The following DLG1 variants were observed in gnomAD, a reference collection of about 807,000 sequenced individuals.
DLG1 encodes the protein disks large homolog 1.
DLG1 carries 42 observed loss-of-function variants against 123.4 expected under a neutral mutation model. The ratio of observed to expected loss-of-function variants is 0.34; its 90% confidence interval spans 0.27 to 0.44. The LOEUF is 0.44. Ranked by LOEUF, DLG1 falls within the 20% of genes least tolerant of loss-of-function variation. DLG1 has a pLI of 1.00. For synonymous variants in DLG1, 317 were observed against 356.2 expected (o/e 0.89, Z 1.24); for missense variants, 942 against 1,082.6 (o/e 0.87, Z 1.82).
At chr3:197,266,857 G>A (rs1372744501) in intron 4 of DLG1, among the ~76,000 whole-genome samples, 1 of 152,154 alleles carries the variant, frequency 6.6e-6, no homozygotes, top group Admixed American at 6.5e-5. Flanking sequence ...ACAAGTACTG[G>A]AATCCCTGAA....
At chr3:197,173,233 G>C (rs1045130525) in intron 5 of DLG1, among the ~76,000 whole-genome samples, 53 of 152,160 alleles carry the variant, frequency 3.5e-4, no homozygotes, top group African/African-American at 9.4e-4. Flanking sequence ...TTAAAGGTCA[G>C]AATATTTTGT....
intron 14 of DLG1, 109 bp downstream of exon 14, chr3:197,104,794 G>T: frequency 1.3e-6 from 1 of 747,782 alleles, no homozygotes. Flanking sequence ...CAGAAAAAAA[G>T]CACAAAAAAG....
rs894776267 is a variant in DLG1 at position 197,046,331 on chromosome 3, A to G, written c.2576-1602T>C. Among the ~76,000 whole-genome samples the G allele has an allele frequency of 2.6e-5, 4 of 152,174 alleles. No homozygotes were observed. The Middle Eastern group carries it at 0.01, about 391-fold the overall frequency. On this transcript the variant is annotated intron_variant, in intron 24 of 24. Coordinates refer to ENST00000667157, the MANE Select transcript of DLG1 (RefSeq NM_001366207.1). ...GAAATATACATTTTGCTTACTTTGT[A>G]AATTCATTAATGGAATGGTTAGTAA...
At chr3:197,148,771 T>A (rs1419207172) in intron 6 of DLG1, among the ~76,000 whole-genome samples, 1 of 152,170 alleles carries the variant, frequency 6.6e-6, no homozygotes, top group Non-Finnish European at 1.5e-5. Flanking sequence ...ATGCAATGGC[T>A]TCTTACATAC....
At chr3:197,181,775 T>C (rs1276611864) in intron 5 of DLG1, among the ~76,000 whole-genome samples, 1 of 152,042 alleles carries the variant, frequency 6.6e-6, no homozygotes, top group African/African-American at 2.4e-5. Context: ...AGAAAGGTAA[T>C]GAAAAAGACA....
intron 5 of DLG1, among the ~76,000 whole-genome samples, chr3:197,186,347 C>T (rs556863261): frequency 2.6e-5 from 4 of 152,258 alleles, no homozygotes; most frequent in African/African-American, 7.2e-5. Context: ...AAAGAAAAAC[C>T]TGGAAAACCT....
At chr3:197,127,661 T>C (rs1485872003) in intron 11 of DLG1, among the ~76,000 whole-genome samples, 1 of 151,224 alleles carries the variant, frequency 6.6e-6, no homozygotes, top group Non-Finnish European at 1.5e-5. Context: ...ATTTTAGATA[T>C]ATTGTAAATC....
chr3:197,126,792 A>G (rs183294189), intron 11 of DLG1, among the ~76,000 whole-genome samples: 2 of 152,328 alleles, frequency 1.3e-5, no homozygotes, highest in Admixed American at 1.3e-4. Context: ...TAATAAATCA[A>G]TGAGCAGATA....
intron 23 of DLG1, among the ~76,000 whole-genome samples, chr3:197,051,961 T>C (rs1728104806): frequency 6.8e-6 from 1 of 147,654 alleles, no homozygotes; most frequent in Admixed American, 6.8e-5. Flanking sequence ...CCTGCCCCCA[T>C]CTCTCAAGTA....
chr3:197,211,100 T>C lies in DLG1; in HGVS notation c.319-16511A>G, dbSNP rs1731046616. Among the ~76,000 whole-genome samples, 2 of 146,296 alleles carry C rather than the reference T, an allele frequency of 1.4e-5. 1 individual carries two copies. The highest frequency in any genetic ancestry group is 3.1e-5 in the Non-Finnish European group (2 of 65,266). ...TAATTATTTCAACAGACATATAAAA[T>C]ATGTGATCCAATTGAATACCAATTC... On this transcript the variant is annotated intron_variant, in intron 4 of 24. Transcript: ENST00000667157.
chr3:197,261,424 AG>A (rs1356759852), intron 4 of DLG1, among the ~76,000 whole-genome samples: 2 of 152,254 alleles, frequency 1.3e-5, no homozygotes, highest in Non-Finnish European at 2.9e-5. Flanking sequence ...CCTGGGCAAC[AG>A]GGTGAGATCC....
intron 5 of DLG1, among the ~76,000 whole-genome samples, chr3:197,153,716 A>G (rs1233147132): frequency 6.6e-6 from 1 of 152,182 alleles, no homozygotes; most frequent in Non-Finnish European, 1.5e-5. Flanking sequence ...ATTGAAGACT[A>G]GGACATTAAA....
chr3:197,214,246 A>G (rs1359225588), intron 4 of DLG1, among the ~76,000 whole-genome samples: 5 of 152,190 alleles, frequency 3.3e-5, no homozygotes, highest in Admixed American at 1.3e-4. Flanking sequence ...CCAAACACTT[A>G]AACAAAATAT....
At chr3:197,273,486 C>A (rs1764855481) in intron 4 of DLG1, among the ~76,000 whole-genome samples, 1 of 152,142 alleles carries the variant, frequency 6.6e-6, no homozygotes, top group Non-Finnish European at 1.5e-5. Flanking sequence ...GATCTGCCCG[C>A]CTCTGCCTCC....
intron 17 of DLG1, among the ~76,000 whole-genome samples, chr3:197,076,942 G>A (rs1022708036): frequency 2.0e-5 from 3 of 152,144 alleles, no homozygotes; most frequent in African/African-American, 7.2e-5. Flanking sequence ...ACAAAAAAAG[G>A]CAAATCAGTT....
intron 4 of DLG1, among the ~76,000 whole-genome samples, chr3:197,215,869 C>T (rs1348454066): frequency 6.6e-6 from 1 of 152,096 alleles, no homozygotes; most frequent in African/African-American, 2.4e-5. Flanking sequence ...ACAGGTATTA[C>T]TCTTTTATTA....
intron 4 of DLG1, among the ~76,000 whole-genome samples, chr3:197,234,337 C>T (rs1744830336): frequency 6.6e-6 from 1 of 152,168 alleles, no homozygotes; most frequent in African/African-American, 2.4e-5. Context: ...AATTTCAATG[C>T]AGAATGCTTT....
chr3:197,178,540 A>G (rs1808366626), intron 5 of DLG1, among the ~76,000 whole-genome samples: 1 of 152,214 alleles, frequency 6.6e-6, no homozygotes, highest in Non-Finnish European at 1.5e-5. Flanking sequence ...ACTCTGGAAT[A>G]AAGAGAAATA....
intron 9 of DLG1, 72 bp from the exon 10 acceptor site, chr3:197,136,750 T>A: frequency 7.6e-7 from 1 of 1,320,964 alleles, no homozygotes; most frequent in Non-Finnish European, 1.0e-6. Flanking sequence ...GGTTGAAAAC[T>A]ACAAGGTAAT....
Sources: gnomAD v4.1 joint callset for allele counts (sites outside exome capture counted in the v4.1 genomes callset) on GRCh38, gnomAD v4.1.1 for gene constraint, MANE v1.5 for transcripts, NCBI Gene and HGNC (gene_info 2026-07-23, HGNC 2026-07-21) for gene names.